The following ARHGAP10 variants were observed in gnomAD, a reference collection of about 807,000 sequenced individuals.
ARHGAP10 encodes rho GTPase-activating protein 10.
Under a neutral mutation model 108.6 loss-of-function variants are expected in ARHGAP10, and 87 were observed. The observed-to-expected ratio is 0.80, with a 90% confidence interval of 0.67 to 0.96. The LOEUF (loss-of-function observed/expected upper bound fraction) is 0.96. Among genes scored for constraint, ARHGAP10 ranks in the 40% least tolerant of loss-of-function variants. ARHGAP10 has a pLI of 0.00. For missense variants in ARHGAP10, 939 were observed against 954.5 expected, an observed-to-expected ratio of 0.98 and a Z score of 0.21; for synonymous variants, 347 against 341.1, an observed-to-expected ratio of 1.02 and a Z score of -0.19.
intron 1 of ARHGAP10, among the ~76,000 whole-genome samples, chr4:147,740,304 G>C (rs145772388): frequency 7.2e-4 from 109 of 152,266 alleles, no homozygotes; most frequent in African/African-American, 2.5e-3. Flanking sequence ...TGAATTCAGA[G>C]AGATTAGTAG....
At chr4:147,962,658 C>T (rs1739044672) in intron 16 of ARHGAP10, among the ~76,000 whole-genome samples, 1 of 152,062 alleles carries the variant, frequency 6.6e-6, no homozygotes, top group Non-Finnish European at 1.5e-5. Context: ...CTTTGTAGTT[C>T]TACCACCTAC....
At chr4:147,901,217 T>A (rs1173921643) in intron 10 of ARHGAP10, among the ~76,000 whole-genome samples, 3 of 152,230 alleles carry the variant, frequency 2.0e-5, no homozygotes, top group African/African-American at 7.2e-5. Flanking sequence ...TTTGAAATGG[T>A]TGAAACATGT....
chr4:147,791,272 T>C (rs1409650582), intron 1 of ARHGAP10, among the ~76,000 whole-genome samples: 2 of 151,378 alleles, frequency 1.3e-5, no homozygotes, highest in East Asian at 2.0e-4. Context: ...CCACCATGTC[T>C]GGCTAATTTT....
chr4:147,744,563 G>C (rs1728826919), intron 1 of ARHGAP10, among the ~76,000 whole-genome samples: 1 of 152,052 alleles, frequency 6.6e-6, no homozygotes, highest in South Asian at 2.1e-4. Flanking sequence ...AGGTTGGGGG[G>C]TCAGTCATCC....
chr4:147,920,523 T>TA (rs1320026689), intron 13 of ARHGAP10, among the ~76,000 whole-genome samples: 5 of 152,186 alleles, frequency 3.3e-5, no homozygotes, highest in Non-Finnish European at 7.3e-5. Flanking sequence ...AGAAGACTTA[T>TA]CGTAGCTAAA....
At chr4:147,865,474 G>A (rs965024143) in intron 6 of ARHGAP10, 1 of 152,808 alleles carries the variant, frequency 6.5e-6, no homozygotes, top group Admixed American at 6.5e-5. Context: ...ATTTTTGTTT[G>A]TGATTATATA....
chr4:148,016,116 A>G (rs184615317), intron 18 of ARHGAP10, among the ~76,000 whole-genome samples: 58 of 152,342 alleles, frequency 3.8e-4, no homozygotes, highest in African/African-American at 1.3e-3. Flanking sequence ...CAAAAGTTGC[A>G]ACTGTTATTA....
chr4:147,961,966 A>C (rs1252698756), intron 16 of ARHGAP10, among the ~76,000 whole-genome samples: 1 of 151,992 alleles, frequency 6.6e-6, no homozygotes. Flanking sequence ...CCTTTTCCCC[A>C]CAGTGCCCTC....
intron 3 of ARHGAP10, among the ~76,000 whole-genome samples, chr4:147,832,358 A>G (rs867289664): frequency 7.0e-6 from 1 of 142,614 alleles, no homozygotes. Flanking sequence ...TTTTTTTTTA[A>G]AAAGAGGAGT....
At position 147,887,734 on chromosome 4, in the gene ARHGAP10, C is replaced by T. The variant is rs141751269; in HGVS notation, c.1034+5802C>T. 7.4e-3 allele frequency among the ~76,000 whole-genome samples: 1,117 copies of T among 151,774 alleles called. 12 individuals are homozygous for T. Among genetic ancestry groups the T allele is most frequent in the East Asian group, 0.025 (130 of 5,148 alleles). ...AAAATTAGCCGGGTGTGGTGGCGGGCGCTTGTAGTCCCAGCTACTCAGGAG... is the reference window on the plus strand; with the variant it reads ...AAAATTAGCCGGGTGTGGTGGCGGGTGCTTGTAGTCCCAGCTACTCAGGAG... On this transcript the variant is annotated intron_variant, in intron 10 of 22. Coordinates refer to ENST00000336498, the MANE Select transcript of ARHGAP10 (RefSeq NM_024605.4).
chr4:147,971,174 A>G (rs2149618520), intron 18 of ARHGAP10, among the ~76,000 whole-genome samples: 1 of 150,938 alleles, frequency 6.6e-6, no homozygotes, highest in South Asian at 2.1e-4. Flanking sequence ...AGAAAATTTT[A>G]TTTCCCAGGT....
intron 1 of ARHGAP10, among the ~76,000 whole-genome samples, chr4:147,787,308 A>AAT (rs1730927155): frequency 6.6e-6 from 1 of 152,156 alleles, no homozygotes; most frequent in South Asian, 2.1e-4. Context: ...TATTTGAATG[A>AAT]ATAAAGGCAG....
chr4:147,778,413 C>T (rs1260998513), intron 1 of ARHGAP10, among the ~76,000 whole-genome samples: 2 of 152,108 alleles, frequency 1.3e-5, no homozygotes, highest in African/African-American at 2.4e-5. Context: ...ATGACATGAG[C>T]CGCTTTCTCA....
chr4:147,967,895 AT>A (rs1425995587), intron 18 of ARHGAP10, among the ~76,000 whole-genome samples: 4 of 152,142 alleles, frequency 2.6e-5, no homozygotes, highest in African/African-American at 9.7e-5. Context: ...AAGAATTATG[AT>A]AAGTAGCCAG....
At chr4:147,737,284 G>A (rs1728456822) in intron 1 of ARHGAP10, among the ~76,000 whole-genome samples, 1 of 151,782 alleles carries the variant, frequency 6.6e-6, no homozygotes, top group Non-Finnish European at 1.5e-5. Context: ...CCAAGTAGCT[G>A]GGATTACGGG....
rs34876546 is a variant in ARHGAP10 at position 148,039,368 on chromosome 4, A to ATTTTTTTTTTTTTTTTTTTTTTTTTT, written c.1868-7520_1868-7495dup. ...TTAATACTTTAAGAATACTACTTCA[A>ATTTTTTTTTTTTTTTTTTTTTTTTTT]TTTTTTTTTTTTTTTTTTTTTTTTT... On this transcript the variant is annotated intron_variant, in intron 19 of 22. Transcript: ENST00000336498. 1.5e-4 allele frequency among the ~76,000 whole-genome samples: 11 copies of ATTTTTTTTTTTTTTTTTTTTTTTTTT among 73,092 alleles called. 1 individual carries two copies. The highest frequency in any genetic ancestry group is 1.3e-3 in the East Asian group (3 of 2,252). 48.0% of individuals were successfully genotyped at this position (73,092 alleles called of 152,430 possible).
intron 14 of ARHGAP10, among the ~76,000 whole-genome samples, chr4:147,942,790 A>T (rs1445403474): frequency 6.6e-6 from 1 of 152,214 alleles, no homozygotes; most frequent in African/African-American, 2.4e-5. Flanking sequence ...GGGTATTCTT[A>T]GTTGTCTTCC....
intron 18 of ARHGAP10, among the ~76,000 whole-genome samples, chr4:147,978,229 G>C (rs1057369377): frequency 4.6e-5 from 7 of 152,082 alleles, no homozygotes; most frequent in African/African-American, 1.7e-4. Context: ...TCTATTTTTA[G>C]TTCTTTGAGA....
chr4:147,756,745 T>G (rs1360585452), intron 1 of ARHGAP10, among the ~76,000 whole-genome samples: 2 of 152,138 alleles, frequency 1.3e-5, no homozygotes, highest in African/African-American at 4.8e-5. Context: ...TTGGAATATA[T>G]CCTCCCTGGA....
Sources: allele counts gnomAD v4.1 joint callset (sites outside exome capture counted in the v4.1 genomes callset), GRCh38; gene constraint gnomAD v4.1.1; transcripts MANE v1.5; gene names NCBI Gene and HGNC (gene_info 2026-07-23, HGNC 2026-07-21).